Variants in GPR63 observed in about 807,000 individuals in gnomAD.
GPR63 encodes probable G protein-coupled receptor 63.
Under a neutral mutation model 23.1 loss-of-function variants are expected in GPR63, and 12 were observed. The observed-to-expected ratio is 0.52, with a 90% CI of 0.33 to 0.84. The LOEUF is 0.84. GPR63 is among the 40% of genes least tolerant of loss of function. The probability of loss-of-function intolerance (pLI) is 0.02; values close to 1 mark genes in which losing one functional copy is unlikely to be tolerated. For synonymous variants in GPR63, 172 were observed against 191.1 expected, an observed-to-expected ratio of 0.90 and a Z score of 0.82; for missense variants, 472 against 515.6, an observed-to-expected ratio of 0.92 and a Z score of 0.82.
intron 1 of GPR63, among the ~76,000 whole-genome samples, chr6:96,818,092 A>G (rs1349295439): frequency 6.6e-6 from 1 of 151,782 alleles, no homozygotes; most frequent in African/African-American, 2.4e-5. Context: ...TCATAGAAAT[A>G]TTTTTTAAAA....
At chr6:96,812,280 A>G (rs1028915385) in intron 1 of GPR63, among the ~76,000 whole-genome samples, 3 of 152,162 alleles carry the variant, frequency 2.0e-5, no homozygotes, top group African/African-American at 4.8e-5. Flanking sequence ...CATTCCTAAC[A>G]TATTTCTAAT....
At chr6:96,828,722 A>G (rs546565103) in intron 1 of GPR63, among the ~76,000 whole-genome samples, 1 of 152,252 alleles carries the variant, frequency 6.6e-6, no homozygotes, top group African/African-American at 2.4e-5. Context: ...TAAACTCTCC[A>G]GTTAAATGCA....
intron 1 of GPR63, among the ~76,000 whole-genome samples, chr6:96,819,989 A>AAC (rs1554192739): frequency 0.023 from 3,487 of 149,852 alleles, 66 homozygotes; most frequent in Non-Finnish European, 0.034. Flanking sequence ...AAAAAAAAAA[A>AAC]AAACAAACAA....
At chr6:96,815,400 G>C (rs898491755) in intron 1 of GPR63, among the ~76,000 whole-genome samples, 4 of 152,198 alleles carry the variant, frequency 2.6e-5, no homozygotes, top group Admixed American at 6.5e-5. Flanking sequence ...AGAATAAAAT[G>C]GTAGTTGCCA....
rs866908729 is a variant in GPR63 at position 96,799,032 on chromosome 6, T to G, written c.700A>C (p.Thr234Pro). ...TAAGCCTGGTAGCCTGGATTGGTTGTGTACCCAAACACACACTGGGGAGCT... is the reference window on the plus strand; with the variant it reads ...TAAGCCTGGTAGCCTGGATTGGTTGGGTACCCAAACACACACTGGGGAGCT... The part of the protein sequence containing the change: ...SRAPQCVFGY[T>P]TNPGYQAYVI... The change falls in exon 2 of 2, where the codon ACA (threonine) becomes CCA (proline). Residue 234 changes from threonine to proline, a missense_variant. Physicochemically the swap from Thr to Pro is conservative, Grantham distance 38. Coordinates refer to ENST00000229955, the MANE Select transcript of GPR63 (RefSeq NM_030784.4). 3.1e-6 allele frequency: 5 copies of G among 1,614,172 alleles called. No homozygotes were observed. Among genetic ancestry groups the G allele is most frequent in the Middle Eastern group, 3.3e-4 (2 of 6,062 alleles).
At chr6:96,806,046 C>T (rs1582252563) in intron 1 of GPR63, among the ~76,000 whole-genome samples, 2 of 152,182 alleles carry the variant, frequency 1.3e-5, no homozygotes, top group African/African-American at 4.8e-5. Context: ...ACCCTACTAT[C>T]CTACCTCAGG....
rs960295605 is a variant in GPR63 at position 96,797,428 on chromosome 6, C to T, written c.*1044G>A. ...AACTGAATGAACTGTCTGCGTGGCA[C>T]AGTGGAACAGCGCAGTCTCAGGATT... is the stretch of plus-strand genomic sequence containing the variant. On this transcript the variant is annotated 3_prime_UTR_variant, in exon 2 of 2. Transcript: ENST00000229955. 2.0e-5 allele frequency: 3 copies of T among 152,176 alleles called. No homozygotes were observed. The highest frequency in any genetic ancestry group is 7.2e-5 in the African/African-American group (3 of 41,434). 9.4% of individuals were successfully genotyped at this position (152,176 alleles called of 1,614,324 possible).
rs1164877076 is a variant in GPR63, at chr6:96,799,135, A to G, written c.597T>C (p.Ile199=). Residue 199 remains isoleucine, a synonymous_variant, in exon 2 of 2, where the codon ATT becomes ATC. Coordinates refer to ENST00000229955, the MANE Select transcript of GPR63 (RefSeq NM_030784.4). ...KLNPYRAKVL[I]AVSWATSFCV... ...AAAAGGAAGTTGCCCAAGAAACTGC[A>G]ATCAGAACCTTAGCTCTATATGGGT... The G allele has an allele frequency of 1.2e-6, 2 of 1,614,094 alleles. No individual in the cohort carries two copies. Among genetic ancestry groups the G allele is most frequent in the African/African-American group, 2.7e-5 (2 of 74,934 alleles).
chr6:96,820,917 C>T (rs548920942), intron 1 of GPR63, among the ~76,000 whole-genome samples: 2 of 152,328 alleles, frequency 1.3e-5, no homozygotes, highest in Admixed American at 6.5e-5. Flanking sequence ...AATGCTGGTA[C>T]TCTCTTCACT....
intron 1 of GPR63, among the ~76,000 whole-genome samples, chr6:96,822,615 C>A (rs769011196): frequency 4.6e-5 from 7 of 152,306 alleles, no homozygotes; most frequent in Admixed American, 2.6e-4. Flanking sequence ...TTACACACTT[C>A]TTTAAATACA....
At position 96,837,255 on chromosome 6, in the gene GPR63, A is replaced by T. The variant is rs888590692; in HGVS notation, c.-151+13T>A. ...CGGGGATCGCGGGCCGGGGATCCCG[A>T]GCCTCACCTCACCTCAAGCGAAGGG... On this transcript the variant is annotated intron_variant, in intron 1 of 1. Transcript: ENST00000229955. 1 of 152,324 alleles carries T rather than the reference A, an allele frequency of 6.6e-6. No homozygotes were observed. Among genetic ancestry groups the T allele is most frequent in the Non-Finnish European group, 1.5e-5 (1 of 68,278 alleles). 9.4% of individuals were successfully genotyped at this position (152,324 alleles called of 1,614,324 possible).
chr6:96,832,336 C>T (rs1017432594), intron 1 of GPR63, among the ~76,000 whole-genome samples: 1 of 152,064 alleles, frequency 6.6e-6, no homozygotes, highest in African/African-American at 2.4e-5. Context: ...ATGATCACGG[C>T]TCACTGCAGC....
chr6:96,834,427 T>C (rs1774668791), intron 1 of GPR63, among the ~76,000 whole-genome samples: 2 of 152,210 alleles, frequency 1.3e-5, no homozygotes, highest in South Asian at 2.1e-4. Flanking sequence ...TTAAGATCTA[T>C]GATCTCAGGC....
Position 96,799,426 on chromosome 6 carries a change from A to C in GPR63, c.306T>G (p.Val102=), listed in dbSNP as rs1428878482. The C allele has an allele frequency of 1.7e-5, 28 of 1,614,072 alleles. No individual in the cohort carries two copies. Among genetic ancestry groups the C allele is most frequent in the Non-Finnish European group, 2.2e-5 (26 of 1,180,042 alleles). The change falls in exon 2 of 2, where the codon GTT becomes GTG. Residue 102 remains valine (V), a synonymous_variant. Transcript: ENST00000229955. ...LFVSFLGNLV[V]CLMVYQKAAM... is the part of the protein sequence containing the mutation. ...CAGCTTTTTGGTAAACCATGAGGCA[A>C]ACAACCAAGTTCCCAAGAAAAGACA...
chr6:96,827,804 ATC>A (rs1198947005), intron 1 of GPR63, among the ~76,000 whole-genome samples: 6 of 152,036 alleles, frequency 3.9e-5, no homozygotes, highest in South Asian at 4.2e-4. Context: ...ACAAACAAAA[ATC>A]TCTCTCTCTC....
intron 1 of GPR63, among the ~76,000 whole-genome samples, chr6:96,822,036 C>G (rs1360529266): frequency 6.6e-6 from 1 of 151,972 alleles, no homozygotes; most frequent in East Asian, 1.9e-4. Flanking sequence ...CAACAGTCAA[C>G]CATACACACA....
chr6:96,799,823 T>C lies in GPR63; in HGVS notation c.-92A>G, dbSNP rs1773715908. 1.6e-6 allele frequency: 2 copies of C among 1,288,508 alleles called. No individual in the cohort carries two copies. The highest frequency in any genetic ancestry group is 1.7e-5 in the Admixed American group (1 of 57,820). The allele number at this position is 1,288,508 out of a possible 1,614,324, so 79.8% of individuals were successfully genotyped here. Reference sequence around the variant, plus strand: ...GCAGTATCAGGTCCCATTGATGGGCTTGGAAATACATTCTGGAAAATGGAC... The same window carrying C: ...GCAGTATCAGGTCCCATTGATGGGCCTGGAAATACATTCTGGAAAATGGAC... On this transcript the variant is annotated 5_prime_UTR_variant, in exon 2 of 2. Coordinates refer to ENST00000229955, the MANE Select transcript of GPR63 (RefSeq NM_030784.4).
At chr6:96,835,743 G>T (rs1393589527) in intron 1 of GPR63, among the ~76,000 whole-genome samples, 1 of 152,080 alleles carries the variant, frequency 6.6e-6, no homozygotes, top group Non-Finnish European at 1.5e-5. Flanking sequence ...ACAGCAAAGT[G>T]ACAAAACTGT....
chr6:96,809,989 A>C (rs76268958), intron 1 of GPR63, among the ~76,000 whole-genome samples: 4 of 152,306 alleles, frequency 2.6e-5, no homozygotes, highest in Admixed American at 6.5e-5. Flanking sequence ...TATGCAATCA[A>C]TATCTCTATT....
Sources: gnomAD v4.1 joint callset for allele counts (sites outside exome capture counted in the v4.1 genomes callset) on GRCh38, gnomAD v4.1.1 for gene constraint, MANE v1.5 for transcripts, NCBI Gene and HGNC (gene_info 2026-07-23, HGNC 2026-07-21) for gene names.